STK3: variants seen among roughly 807,000 people sequenced by gnomAD.
The protein encoded by STK3 is serine/threonine kinase 3, also known as serine/threonine-protein kinase 3.
Under a neutral mutation model 58.0 loss-of-function variants are expected in STK3, and 41 were observed. That is an observed-to-expected ratio of 0.71 (90% CI 0.55 to 0.92). STK3 has a LOEUF of 0.92. Ranked by LOEUF, STK3 falls within the 40% of genes least tolerant of loss-of-function variation. The pLI is 0.00. For synonymous variants in STK3, 170 were observed against 191.0 expected, an observed-to-expected ratio of 0.89 and a Z score of 0.91; for missense variants, 479 against 602.7, an observed-to-expected ratio of 0.79 and a Z score of 2.15.
intron 1 of STK3, among the ~76,000 whole-genome samples, chr8:98,811,674 G>A (rs1834226674): frequency 6.7e-6 from 1 of 150,076 alleles, no homozygotes; most frequent in Non-Finnish European, 1.5e-5. Context: ...ATTATTAAAC[G>A]ATGTCAAAAA....
intron 1 of STK3, among the ~76,000 whole-genome samples, chr8:98,891,834 C>T (rs948898131): frequency 6.6e-6 from 1 of 151,994 alleles, no homozygotes; most frequent in Non-Finnish European, 1.5e-5. Flanking sequence ...GGGTTGGACT[C>T]AAGTCATCAT....
chr8:98,584,483 T>C (rs1056309247), intron 7 of STK3, among the ~76,000 whole-genome samples: 9 of 152,018 alleles, frequency 5.9e-5, no homozygotes, highest in African/African-American at 2.2e-4. Flanking sequence ...CACATTTTCT[T>C]AATCCAGTCT....
intron 10 of STK3, among the ~76,000 whole-genome samples, chr8:98,464,509 A>G (rs1195367086): frequency 7.2e-6 from 1 of 139,400 alleles, no homozygotes; most frequent in Non-Finnish European, 1.5e-5. Context: ...CATAAGGCTG[A>G]GCCACAGGGA....
chr8:98,730,398 T>C (rs937483826), intron 4 of STK3, among the ~76,000 whole-genome samples: 3 of 152,178 alleles, frequency 2.0e-5, no homozygotes, highest in African/African-American at 4.8e-5. Flanking sequence ...GTCTCTTATA[T>C]ATCAAACTGA....
At chr8:98,692,616 T>TA (rs1352330122) in intron 6 of STK3, among the ~76,000 whole-genome samples, 2 of 152,126 alleles carry the variant, frequency 1.3e-5, no homozygotes, top group Admixed American at 6.5e-5. Context: ...CAGTTTGAGA[T>TA]AATTAAAAAA....
At chr8:98,614,192 T>C (rs1293486971) in intron 6 of STK3, among the ~76,000 whole-genome samples, 2 of 152,112 alleles carry the variant, frequency 1.3e-5, no homozygotes, top group Non-Finnish European at 2.9e-5. Context: ...ACAAAATTTA[T>C]AGAATACCCC....
At chr8:98,830,311 G>A (rs1451254015), upstream of STK3, among the ~76,000 whole-genome samples, 1 of 152,176 alleles carries the variant, frequency 6.6e-6, no homozygotes, top group African/African-American at 2.4e-5. Context: ...CTCAACGAGA[G>A]AGTGACTAAG....
intron 7 of STK3, among the ~76,000 whole-genome samples, chr8:98,589,429 C>T (rs991976857): frequency 3.9e-5 from 6 of 152,230 alleles, no homozygotes; most frequent in African/African-American, 1.2e-4. Context: ...GGGTCATGCA[C>T]CCACTTAAGG....
At chr8:98,515,203 G>A (rs1824835087) in intron 10 of STK3, among the ~76,000 whole-genome samples, 1 of 152,010 alleles carries the variant, frequency 6.6e-6, no homozygotes, top group Non-Finnish European at 1.5e-5. Flanking sequence ...CAAAAAACAA[G>A]TTTGATAAGA....
At chr8:98,677,675 C>T (rs1823328160) in intron 6 of STK3, among the ~76,000 whole-genome samples, 2 of 152,104 alleles carry the variant, frequency 1.3e-5, no homozygotes, top group Non-Finnish European at 2.9e-5. Context: ...CTGAAACTCT[C>T]CTAATTCTTC....
intron 1 of STK3, among the ~76,000 whole-genome samples, chr8:98,908,263 T>G (rs1433094895): frequency 6.6e-6 from 1 of 152,260 alleles, no homozygotes; most frequent in African/African-American, 2.4e-5. Context: ...TTATCAACTT[T>G]TGATTATCCT....
chr8:98,895,434 A>G (rs928435113), intron 1 of STK3, among the ~76,000 whole-genome samples: 1 of 152,202 alleles, frequency 6.6e-6, no homozygotes, highest in East Asian at 1.9e-4. Flanking sequence ...CAGTATGGAG[A>G]GGAAGTGGTT....
chr8:98,897,256 C>G (rs933515778), intron 1 of STK3, among the ~76,000 whole-genome samples: 2 of 152,112 alleles, frequency 1.3e-5, no homozygotes, highest in Non-Finnish European at 2.9e-5. Context: ...TTATTTAACA[C>G]GCAAAAGAAA....
chr8:98,380,770 G>T (rs892488585), intron 1 of STK3, among the ~76,000 whole-genome samples: 1 of 151,944 alleles, frequency 6.6e-6, no homozygotes, highest in Non-Finnish European at 1.5e-5. Context: ...GGGATTTTGG[G>T]TCCTTTGCAT....
chr8:98,814,076 A>G (rs371869652), intron 1 of STK3, among the ~76,000 whole-genome samples: 11 of 152,308 alleles, frequency 7.2e-5, no homozygotes, highest in African/African-American at 2.6e-4. Flanking sequence ...TTTGAGACGG[A>G]GTCTCACTCT....
intron 10 of STK3, among the ~76,000 whole-genome samples, chr8:98,511,782 A>G (rs1415905109): frequency 6.6e-6 from 1 of 152,144 alleles, no homozygotes; most frequent in Non-Finnish European, 1.5e-5. Context: ...TGATTTTTCC[A>G]TGCTTGTTTT....
intron 4 of STK3, among the ~76,000 whole-genome samples, chr8:98,708,612 C>T (rs1297952808): frequency 6.6e-6 from 1 of 152,084 alleles, no homozygotes; most frequent in Non-Finnish European, 1.5e-5. Context: ...AGCAGTAGAG[C>T]CACTGCTATC....
rs200556218 is a variant in STK3, at chr8:98,903,556, C to CTTCCTCTTCTTCTT, written c.-78-19723_-78-19722insAAGAAGAAGAGGAA. Among the ~76,000 whole-genome samples the CTTCCTCTTCTTCTT allele has an allele frequency of 2.4e-3, 119 of 50,512 alleles. 4 individuals carry two copies. Among genetic ancestry groups the CTTCCTCTTCTTCTT allele is most frequent in the African/African-American group, 7.8e-3 (114 of 14,658 alleles). The allele number at this position is 50,512 out of a possible 152,430, so 33.1% of individuals were successfully genotyped here. A position where few individuals can be genotyped will look rare whatever the true frequency, so the allele number is the denominator to read the frequency against. On this transcript the variant is annotated intron_variant, in intron 1 of 1. Coordinates refer to the STK3 transcript ENST00000519420. ...TCTTCTTCTTCTTCTTCTTCTTCTT[C>CTTCCTCTTCTTCTT]CTTTTTTTTTTTTTAAGTGGGGCCT...
intron 4 of STK3, among the ~76,000 whole-genome samples, chr8:98,740,138 G>C (rs573397433): frequency 1.3e-5 from 2 of 152,042 alleles, no homozygotes; most frequent in African/African-American, 4.8e-5. Context: ...TGAAAGTGAC[G>C]GGGAGAATGG....
Sources: gnomAD v4.1 joint callset for allele counts (sites outside exome capture counted in the v4.1 genomes callset) on GRCh38, gnomAD v4.1.1 for gene constraint, MANE v1.5 for transcripts, NCBI Gene and HGNC (gene_info 2026-07-23, HGNC 2026-07-21) for gene names.